PRR16: variants seen among roughly 807,000 people sequenced by gnomAD.
The protein encoded by PRR16 is protein Largen.
A neutral mutation model predicts 18.2 loss-of-function variants in PRR16; 6 were observed. That is an observed-to-expected ratio of 0.33 (90% CI 0.18 to 0.65). The LOEUF (loss-of-function observed/expected upper bound fraction) is 0.65. Ranked by LOEUF, PRR16 falls within the 30% of genes least tolerant of loss-of-function variation. The pLI, the probability that PRR16 is intolerant of heterozygous loss-of-function variation, is 0.74. For synonymous variants in PRR16, 151 were observed against 147.8 expected (o/e 1.02, Z -0.16); for missense variants, 412 against 376.6 (o/e 1.09, Z -0.78).
At chr5:120,584,341 C>G (rs756508784) in intron 1 of PRR16, among the ~76,000 whole-genome samples, 1 of 152,004 alleles carries the variant, frequency 6.6e-6, no homozygotes, top group South Asian at 2.1e-4. Flanking sequence ...AAATTATAAG[C>G]CTTATGAGTT....
At chr5:120,603,459 T>G (rs1368082321) in intron 1 of PRR16, among the ~76,000 whole-genome samples, 1 of 152,126 alleles carries the variant, frequency 6.6e-6, no homozygotes, top group African/African-American at 2.4e-5. Context: ...TCTTTCTTTA[T>G]CATCCTAGCT....
At chr5:120,769,337 T>TC in the PRR16 span, among the ~76,000 whole-genome samples, 2 of 151,712 alleles carry the variant, frequency 1.3e-5, no homozygotes, top group African/African-American at 4.8e-5. Flanking sequence ...TTCTTGTGTC[T>TC]CCCCCTCCCT....
intron 1 of PRR16, among the ~76,000 whole-genome samples, chr5:120,631,277 A>G (rs942637297): frequency 3.9e-5 from 6 of 152,134 alleles, no homozygotes; most frequent in African/African-American, 1.2e-4. Flanking sequence ...GGAGACTTAC[A>G]TCGTGAACTT....
intron 1 of PRR16, among the ~76,000 whole-genome samples, chr5:120,627,425 T>C (rs1754903918): frequency 6.6e-6 from 1 of 152,070 alleles, no homozygotes; most frequent in African/African-American, 2.4e-5. Flanking sequence ...TTTGGCAGCA[T>C]ATAGTAAATG....
chr5:120,593,728 A>T (rs1283552940), intron 1 of PRR16, among the ~76,000 whole-genome samples: 1 of 152,122 alleles, frequency 6.6e-6, no homozygotes, highest in Non-Finnish European at 1.5e-5. Context: ...AATATCCTTG[A>T]TGAACATAGA....
chr5:120,756,953 A>G, the PRR16 span, among the ~76,000 whole-genome samples: 1 of 152,038 alleles, frequency 6.6e-6, no homozygotes, highest in South Asian at 2.1e-4. Flanking sequence ...TAATTATTTA[A>G]TCCTTCTTTA....
At chr5:120,465,889 T>A (rs536052540) in intron 1 of PRR16, among the ~76,000 whole-genome samples, 1 of 152,232 alleles carries the variant, frequency 6.6e-6, no homozygotes, top group African/African-American at 2.4e-5. Flanking sequence ...GAGATTAACC[T>A]CCTGTATTCA....
chr5:120,692,460 A>T, the PRR16 span, among the ~76,000 whole-genome samples: 4 of 152,178 alleles, frequency 2.6e-5, no homozygotes, highest in African/African-American at 7.2e-5. Context: ...GGAGAATCTT[A>T]CTGGCGCTTT....
chr5:120,723,737 C>A, the PRR16 span, among the ~76,000 whole-genome samples: 1 of 151,880 alleles, frequency 6.6e-6, no homozygotes, highest in Non-Finnish European at 1.5e-5. Context: ...ACATTCCAGG[C>A]CATGTACTTC....
At chr5:120,675,671 A>G (rs1421015264) in intron 1 of PRR16, among the ~76,000 whole-genome samples, 3 of 152,196 alleles carry the variant, frequency 2.0e-5, no homozygotes, top group Non-Finnish European at 2.9e-5. Context: ...GGAAGACATG[A>G]AGTACATATG....
At chr5:120,587,615 A>G (rs1452315552) in intron 1 of PRR16, among the ~76,000 whole-genome samples, 2 of 152,226 alleles carry the variant, frequency 1.3e-5, no homozygotes, top group African/African-American at 4.8e-5. Context: ...GATAAACTGC[A>G]TAAATTAAGA....
At chr5:120,673,876 C>T (rs1025187407) in intron 1 of PRR16, among the ~76,000 whole-genome samples, 6 of 151,866 alleles carry the variant, frequency 4.0e-5, no homozygotes, top group Admixed American at 6.6e-5. Context: ...AATCACTTCA[C>T]CCTAGGAGGC....
chr5:120,578,089 A>G (rs1451982004), intron 1 of PRR16, among the ~76,000 whole-genome samples: 1 of 152,138 alleles, frequency 6.6e-6, no homozygotes, highest in East Asian at 1.9e-4. Context: ...ATAACAGAAA[A>G]TAGAAAAGAA....
intron 1 of PRR16, among the ~76,000 whole-genome samples, chr5:120,565,256 A>G (rs1009857009): frequency 1.3e-5 from 2 of 152,114 alleles, no homozygotes; most frequent in African/African-American, 4.8e-5. Context: ...TTGTGCTAAA[A>G]TCCTAGCTGA....
At chr5:120,749,963 C>A in the PRR16 span, among the ~76,000 whole-genome samples, 1 of 152,154 alleles carries the variant, frequency 6.6e-6, no homozygotes, top group Non-Finnish European at 1.5e-5. Flanking sequence ...CTAACCACCT[C>A]TCCTTACCCC....
At chr5:120,512,209 G>C (rs745432183) in intron 1 of PRR16, among the ~76,000 whole-genome samples, 10 of 102,430 alleles carry the variant, frequency 9.8e-5, no homozygotes, top group Non-Finnish European at 1.6e-4. Context: ...TAGCATTCAA[G>C]AGACACATCT....
At chr5:120,519,275 T>C (rs532540980) in intron 1 of PRR16, among the ~76,000 whole-genome samples, 19 of 152,160 alleles carry the variant, frequency 1.2e-4, no homozygotes, top group Admixed American at 2.0e-4. Flanking sequence ...TTGTATCAGT[T>C]ACAATTTATC....
In PRR16 at chr5:120,595,260, AT is replaced by A. The variant is rs1753762831; in HGVS notation, c.160-90692del. Among the ~76,000 whole-genome samples, 5 of 152,132 alleles carry A rather than the reference AT, an allele frequency of 3.3e-5. No homozygotes were observed. The South Asian group carries it at 1.0e-3, about 31-fold the overall frequency. ...TTTGCAAGCAAAATCAAACAATCTC[AT>A]TAAAAAGTGGGCAAATAGCATGAAT... On this transcript the variant is annotated intron_variant, in intron 1 of 1. Transcript: ENST00000407149.
chr5:120,638,526 A>T (rs1755320360), intron 1 of PRR16, among the ~76,000 whole-genome samples: 1 of 152,120 alleles, frequency 6.6e-6, no homozygotes, highest in Non-Finnish European at 1.5e-5. Context: ...AAGTCTAACA[A>T]GGTCATGAGA....
Sources: allele counts gnomAD v4.1 joint callset (sites outside exome capture counted in the v4.1 genomes callset), GRCh38; gene constraint gnomAD v4.1.1; transcripts MANE v1.5; gene names NCBI Gene and HGNC (gene_info 2026-07-23, HGNC 2026-07-21).